The following TNRC6A variants were observed in gnomAD, a reference collection of about 807,000 sequenced individuals.
TNRC6A encodes the protein trinucleotide repeat containing adaptor 6A, also known as trinucleotide repeat-containing gene 6A protein.
TNRC6A carries 44 observed loss-of-function variants against 221.2 expected under a neutral mutation model. The observed-to-expected ratio is 0.20, with a 90% CI of 0.16 to 0.26. TNRC6A has a LOEUF of 0.26. Among genes scored for constraint, TNRC6A ranks in the 10% least tolerant of loss-of-function variants. The pLI, the probability that TNRC6A is intolerant of heterozygous loss-of-function variation, is 1.00. For missense variants in TNRC6A, 2,199 were observed against 2,404.4 expected, an observed-to-expected ratio of 0.91 and a Z score of 1.79; for synonymous variants, 847 against 838.5, an observed-to-expected ratio of 1.01 and a Z score of -0.18.
chr16:24,794,816 G>C, intron 8 of TNRC6A, 97 bp downstream of exon 8: 3 of 1,241,674 alleles, frequency 2.4e-6, no homozygotes, highest in Non-Finnish European at 3.3e-6. Context: ...CTGGCGGTCA[G>C]TACAGTCCAG....
chr16:24,766,325 T>A (rs1178077154), intron 4 of TNRC6A, among the ~76,000 whole-genome samples: 2 of 152,230 alleles, frequency 1.3e-5, no homozygotes, highest in Non-Finnish European at 2.9e-5. Flanking sequence ...AATAAAGAGA[T>A]AACAGATACA....
At chr16:24,676,164 A>G (rs1362749758) in intron 2 of TNRC6A, among the ~76,000 whole-genome samples, 1 of 152,086 alleles carries the variant, frequency 6.6e-6, no homozygotes, top group Non-Finnish European at 1.5e-5. Context: ...CCATTTGCTC[A>G]CCTCTCAATC....
At chr16:24,691,027 G>A (rs1596499921) in intron 2 of TNRC6A, among the ~76,000 whole-genome samples, 1 of 151,890 alleles carries the variant, frequency 6.6e-6, no homozygotes, top group South Asian at 2.1e-4. Flanking sequence ...GCCAGGATTC[G>A]TCTCGATCTC....
At chr16:24,759,357 A>G (rs1359932638) in intron 4 of TNRC6A, among the ~76,000 whole-genome samples, 7 of 152,210 alleles carry the variant, frequency 4.6e-5, no homozygotes, top group Admixed American at 2.6e-4. Context: ...GGAGGCATTC[A>G]AGACTTAAGC....
chr16:24,791,382 TCTAAAC>T lies in TNRC6A; in HGVS notation c.2744_2749del (p.Lys915_Pro916del). 2 of 1,582,106 alleles carry T rather than the reference TCTAAAC, an allele frequency of 1.3e-6. No homozygotes were observed. The highest frequency in any genetic ancestry group is 1.7e-6 in the Non-Finnish European group (2 of 1,164,728). On this transcript the variant is annotated inframe_deletion, in exon 6 of 25. Coordinates refer to ENST00000395799, the MANE Select transcript of TNRC6A (RefSeq NM_014494.4). ...TAATTCATCAGGATGGGATGAATCT[TCTAAAC>T]CTACTCCTTCCCAGGGATGGGGAGA... is the stretch of plus-strand genomic sequence containing the variant.
chr16:24,631,699 G>T (rs1361187833), intron 1 of TNRC6A, among the ~76,000 whole-genome samples: 1 of 151,878 alleles, frequency 6.6e-6, no homozygotes, highest in African/African-American at 2.4e-5. Context: ...TTGAACCCAG[G>T]AGGTGGAGGT....
At chr16:24,801,531 C>CTTTTTTTTTTTTTTTT (rs1567498998) in intron 11 of TNRC6A, among the ~76,000 whole-genome samples, 1 of 135,356 alleles carries the variant, frequency 7.4e-6, no homozygotes, top group Non-Finnish European at 1.6e-5. Flanking sequence ...ACATGCTACT[C>CTTTTTTTTTTTTTTTT]TCTTTTTTTT....
At chr16:24,750,304 G>A (rs2057107433) in intron 2 of TNRC6A, among the ~76,000 whole-genome samples, 1 of 152,146 alleles carries the variant, frequency 6.6e-6, no homozygotes, top group Non-Finnish European at 1.5e-5. Flanking sequence ...AAAACTAAAG[G>A]TAGCTTCCAG....
At chr16:24,791,857 T>TA (rs1454770396) in intron 6 of TNRC6A, 40 bp downstream of exon 6, 14 of 1,455,308 alleles carry the variant, frequency 9.6e-6, no homozygotes, top group Non-Finnish European at 1.2e-5. Flanking sequence ...TGTTTTAACT[T>TA]ACTGTTATTA....
chr16:24,741,661 C>T lies in TNRC6A; in HGVS notation c.54-9065C>T, dbSNP rs376031161. ...CTGGGACCTTTAGCTGTTGGTTTTG[C>T]GTCCACCTAATTCTGCATTGTACAA... On this transcript the variant is annotated intron_variant, in intron 2 of 24. Transcript: ENST00000395799. 2.0e-4 allele frequency among the ~76,000 whole-genome samples: 31 copies of T among 152,202 alleles called. 1 individual carries two copies. The highest frequency in any genetic ancestry group is 6.0e-4 in the African/African-American group (25 of 41,518).
chr16:24,822,647 G>C (rs1011779738), intron 23 of TNRC6A, among the ~76,000 whole-genome samples: 1 of 152,244 alleles, frequency 6.6e-6, no homozygotes, highest in African/African-American at 2.4e-5. Context: ...TGGGGATCTG[G>C]GGAGTGTCCA....
intron 2 of TNRC6A, among the ~76,000 whole-genome samples, chr16:24,713,438 A>G (rs1252606679): frequency 7.7e-6 from 1 of 129,330 alleles, no homozygotes; most frequent in Non-Finnish European, 1.6e-5. Flanking sequence ...ACAAACAAAC[A>G]AACAAACAAA....
At chr16:24,770,124 C>G (rs2057559310) in intron 4 of TNRC6A, among the ~76,000 whole-genome samples, 1 of 151,956 alleles carries the variant, frequency 6.6e-6, no homozygotes, top group Admixed American at 6.6e-5. Context: ...GCAAAAACGA[C>G]AAAAATATTT....
intron 1 of TNRC6A, among the ~76,000 whole-genome samples, chr16:24,618,777 C>T (rs1482599127): frequency 3.3e-5 from 5 of 150,008 alleles, no homozygotes; most frequent in Non-Finnish European, 7.4e-5. Context: ...ACCACAGGCA[C>T]ATGCCACCAC....
At chr16:24,712,617 A>G (rs2056225747) in intron 2 of TNRC6A, among the ~76,000 whole-genome samples, 1 of 152,176 alleles carries the variant, frequency 6.6e-6, no homozygotes, top group South Asian at 2.1e-4. Flanking sequence ...GTATACTTAG[A>G]TTTCCGTCTC....
At chr16:24,701,892 C>A (rs981354327) in intron 2 of TNRC6A, among the ~76,000 whole-genome samples, 1 of 152,046 alleles carries the variant, frequency 6.6e-6, no homozygotes, top group Non-Finnish European at 1.5e-5. Flanking sequence ...TCCACATGGA[C>A]TTTGGAGTCC....
intron 18 of TNRC6A, 73 bp from the exon 19 acceptor site, chr16:24,815,074 A>T: frequency 6.5e-7 from 1 of 1,537,448 alleles, no homozygotes. Context: ...TGTTCATGCT[A>T]CATTTGAAAA....
chr16:24,753,579 GA>G (rs2057184079), intron 3 of TNRC6A, among the ~76,000 whole-genome samples: 1 of 152,154 alleles, frequency 6.6e-6, no homozygotes, highest in Non-Finnish European at 1.5e-5. Flanking sequence ...GAAAAGAAAA[GA>G]AAACCCCCAA....
intron 2 of TNRC6A, among the ~76,000 whole-genome samples, chr16:24,653,544 G>A (rs1181046033): frequency 8.5e-5 from 13 of 152,190 alleles, no homozygotes; most frequent in Admixed American, 8.5e-4. Flanking sequence ...GGGAGGCTGA[G>A]GCGGGCAGAT....
Sources: gnomAD v4.1 joint callset for allele counts (sites outside exome capture counted in the v4.1 genomes callset) on GRCh38, gnomAD v4.1.1 for gene constraint, MANE v1.5 for transcripts, NCBI Gene and HGNC (gene_info 2026-07-23, HGNC 2026-07-21) for gene names.